The following RECQL5 variants were observed in gnomAD, a reference collection of about 807,000 sequenced individuals.
RECQL5 encodes the protein ATP-dependent DNA helicase Q5.
Under a neutral mutation model 103.4 loss-of-function variants are expected in RECQL5, and 88 were observed. The observed-to-expected ratio is 0.85, with a 90% CI of 0.72 to 1.02. RECQL5 has a LOEUF of 1.02. Ranked by LOEUF, RECQL5 falls within the 50% of genes least tolerant of loss-of-function variation. The probability of loss-of-function intolerance (pLI) is 0.00; values close to 1 mark genes in which losing one functional copy is unlikely to be tolerated. For synonymous variants in RECQL5, 552 were observed against 507.9 expected (o/e 1.09, Z -1.17); for missense variants, 1,232 against 1,284.3 (o/e 0.96, Z 0.62).
At chr17:75,649,141 C>A (rs1357840870) in intron 8 of RECQL5, 1 of 152,170 alleles carries the variant, frequency 6.6e-6, no homozygotes, top group Non-Finnish European at 1.5e-5. Flanking sequence ...CTGTTGGGCA[C>A]CCCCAGCCCC....
chr17:75,643,419 G>A (rs1270800784), intron 8 of RECQL5, among the ~76,000 whole-genome samples: 1 of 152,202 alleles, frequency 6.6e-6, no homozygotes, highest in Non-Finnish European at 1.5e-5. Context: ...TGCTGAGTCC[G>A]CACAGGATTC....
intron 8 of RECQL5, chr17:75,633,505 A>G (rs2148249991): frequency 1.6e-6 from 2 of 1,288,648 alleles, no homozygotes; most frequent in South Asian, 2.5e-5. Flanking sequence ...GGCCACTCCC[A>G]GGTCACTCAG....
chr17:75,653,874 C>G (rs820209), intron 7 of RECQL5, among the ~76,000 whole-genome samples: 54,829 of 151,120 alleles, frequency 0.36, 10,134 homozygotes, highest in East Asian at 0.55. Context: ...CTCCAGCCTG[C>G]ACGACAAAGA....
chr17:75,634,337 G>C, intron 8 of RECQL5: 1 of 854,438 alleles, frequency 1.2e-6, no homozygotes. Context: ...CTTCCCTGCA[G>C]GGAAGTCAGC....
At position 75,628,395 on chromosome 17, in the gene RECQL5, C is replaced by A. The variant is rs760533874; in HGVS notation, c.2628G>T (p.Lys876Asn). 1 of 1,613,912 alleles carries A rather than the reference C, an allele frequency of 6.2e-7. No homozygotes were observed. The highest frequency in any genetic ancestry group is 2.2e-5 in the East Asian group (1 of 44,882). The change falls in exon 18 of 20, where the codon AAG becomes AAT. Residue 876 changes from lysine to asparagine, a missense_variant. Transcript: ENST00000317905. ...CCTTGACCTCAGCTACGACGGAGGG[C>A]TTGGCTGAGGGGCGTGGCCTCTTCT... ...QPQKRPRPSAKPSVVAEVKGS... is the reference protein window; with the variant it reads ...QPQKRPRPSANPSVVAEVKGS...
intron 13 of RECQL5, 67 bp from the exon 14 acceptor site, chr17:75,630,344 CG>C: frequency 7.2e-7 from 1 of 1,393,046 alleles, no homozygotes. Context: ...TGAGCTCTTG[CG>C]GGACTCCAGG....
intron 6 of RECQL5, among the ~76,000 whole-genome samples, chr17:75,660,456 G>A (rs941659523): frequency 1.3e-5 from 2 of 152,192 alleles, no homozygotes; most frequent in Non-Finnish European, 2.9e-5. Flanking sequence ...AATCTAGATG[G>A]TACTGCAGCC....
chr17:75,629,235 T>A lies in RECQL5; in HGVS notation c.2188A>T (p.Lys730Ter), dbSNP rs201026890. 5 of 1,612,672 alleles carry A rather than the reference T, an allele frequency of 3.1e-6. No individual in the cohort carries two copies. The highest frequency in any genetic ancestry group is 4.2e-6 in the Non-Finnish European group (5 of 1,179,756). Residue 730 changes from lysine to a stop codon, truncating the protein, a stop_gained, in exon 16 of 20, where the codon AAG (lysine) becomes TAG (stop). Transcript: ENST00000317905. LOFTEE classifies it high-confidence loss of function. ...CCCCCAGAGGAACTTTTTGCCTTCTTCTCAGGGGAGGGCCCCCCATAGTGA... is the reference window on the plus strand; with the variant it reads ...CCCCCAGAGGAACTTTTTGCCTTCTACTCAGGGGAGGGCCCCCCATAGTGA... Reference protein sequence around the residue: ...SAHYGGPSPEKKAKSSSGGSS... With the variant: ...SAHYGGPSPE
chr17:75,631,354 G>C (rs2059209797), intron 9 of RECQL5, 96 bp downstream of exon 9: 1 of 1,524,714 alleles, frequency 6.6e-7, no homozygotes, highest in Non-Finnish European at 9.1e-7. Context: ...GCTCAAGGGG[G>C]GATTGCGGCA....
Position 75,631,291 on chromosome 17 carries a change from G to C in RECQL5, c.1449-42C>G, listed in dbSNP as rs183522708. 7.1e-4 allele frequency: 1,125 copies of C among 1,592,000 alleles called. 5 individuals carry two copies. In the East Asian group the frequency reaches 0.011, roughly 15 times the overall value. On this transcript the variant is annotated intron_variant, in intron 9 of 19. Transcript: ENST00000317905. The stretch of plus-strand genomic sequence containing the variant: ...CGTGAGTGGCCCTGGCCTGGGCTCT[G>C]CCCTCCCCATGTGTGCTGCTGCTAG...
chr17:75,630,822 AG>A lies in RECQL5; in HGVS notation c.1600del (p.Leu534Ter). 1 of 1,209,362 alleles carries A rather than the reference AG, an allele frequency of 8.3e-7. No individual in the cohort carries two copies. The highest frequency in any genetic ancestry group is 1.4e-5 in the South Asian group (1 of 71,730). The allele number at this position is 1,209,362 out of a possible 1,614,324, so 74.9% of individuals were successfully genotyped here. A position where few individuals can be genotyped will look rare whatever the true frequency, so the allele number is the denominator to read the frequency against. ...GATCCTCCTGCTAGAAGCCTCTTTC[AG>A]GGGACAGTTCTCATCTGTGGGGGGG... ...EFVPPDENCP[L>X]KEASSRRIPR... On this transcript the variant is annotated frameshift_variant, in exon 12 of 20. Transcript: ENST00000317905. LOFTEE classifies it high-confidence loss of function.
At chr17:75,629,913 T>C in intron 14 of RECQL5, 71 bp from the exon 15 acceptor site, 1 of 1,526,662 alleles carries the variant, frequency 6.6e-7, no homozygotes, top group Non-Finnish European at 8.8e-7. Context: ...TAGCCCTCCT[T>C]TTCTACTAGG....
intron 3 of RECQL5, 147 bp downstream of exon 3, chr17:75,664,904 C>G: frequency 8.3e-7 from 1 of 1,207,978 alleles, no homozygotes; most frequent in Non-Finnish European, 1.1e-6. Flanking sequence ...CAGAGTAAGA[C>G]TCTGTCTCAA....
chr17:75,656,916 T>G (rs2059629552), intron 7 of RECQL5, among the ~76,000 whole-genome samples: 1 of 152,124 alleles, frequency 6.6e-6, no homozygotes, highest in African/African-American at 2.4e-5. Flanking sequence ...GGCTAATTTT[T>G]TGTATTTTTA....
intron 8 of RECQL5, among the ~76,000 whole-genome samples, chr17:75,634,750 C>T (rs567536482): frequency 2.0e-4 from 30 of 152,334 alleles, no homozygotes; most frequent in Middle Eastern, 3.4e-3. Context: ...CTCCCTGGGC[C>T]CATCTAGAAC....
At chr17:75,651,118 C>A in intron 8 of RECQL5, 68 bp downstream of exon 8, 1 of 1,613,136 alleles carries the variant, frequency 6.2e-7, no homozygotes, top group Non-Finnish European at 8.5e-7. Context: ...AGCTGCTTAA[C>A]TAGGGCGTGC....
intron 7 of RECQL5, among the ~76,000 whole-genome samples, chr17:75,651,964 A>G (rs2059561284): frequency 6.6e-6 from 1 of 151,826 alleles, no homozygotes; most frequent in African/African-American, 2.4e-5. Flanking sequence ...TACAATTTAA[A>G]ACCTGTAATC....
At position 75,627,058 on chromosome 17, in the gene RECQL5, G is replaced by A; in HGVS notation, c.*364C>T. ...GAGGATCTGAGGGTCCCCTGGGTAG[G>A]TTCCGATACCTTGGACAGGTGGGCC... On this transcript the variant is annotated 3_prime_UTR_variant, in exon 20 of 20. Coordinates refer to ENST00000317905, the MANE Select transcript of RECQL5 (RefSeq NM_004259.7). 1 of 434,688 alleles carries A rather than the reference G, an allele frequency of 2.3e-6. No homozygotes were observed. The highest frequency in any genetic ancestry group is 1.7e-5 in the South Asian group (1 of 58,320). The allele number at this position is 434,688 out of a possible 1,614,324, so 26.9% of individuals were successfully genotyped here. A position where few individuals can be genotyped will look rare whatever the true frequency, so the allele number is the denominator to read the frequency against.
chr17:75,630,746 C>T (rs780419899), intron 12 of RECQL5, 33 bp downstream of exon 12: 70 of 1,587,024 alleles, frequency 4.4e-5, no homozygotes, highest in Admixed American at 1.1e-4. Context: ...GGGAGGGCCC[C>T]GGCGGGTGGC....
Sources: allele counts gnomAD v4.1 joint callset (sites outside exome capture counted in the v4.1 genomes callset), GRCh38; gene constraint gnomAD v4.1.1; transcripts MANE v1.5; gene names NCBI Gene and HGNC (gene_info 2026-07-23, HGNC 2026-07-21).